IL1RAPL2: variants seen among roughly 807,000 people sequenced by gnomAD.
The protein encoded by IL1RAPL2 is interleukin 1 receptor accessory protein like 2, also known as X-linked interleukin-1 receptor accessory protein-like 2.
Under a neutral mutation model 44.1 loss-of-function variants are expected in IL1RAPL2, and 3 were observed. The ratio of observed to expected loss-of-function variants is 0.07; its 90% CI spans 0.03 to 0.18. IL1RAPL2 has a LOEUF of 0.18. Among genes scored for constraint, IL1RAPL2 ranks in the 10% least tolerant of loss-of-function variants. The probability of loss-of-function intolerance (pLI) is 1.00; values close to 1 mark genes in which losing one functional copy is unlikely to be tolerated. For missense variants in IL1RAPL2, 391 were observed against 496.4 expected (o/e 0.79, Z 2.02); for synonymous variants, 181 against 178.8 (o/e 1.01, Z -0.10).
intron 2 of IL1RAPL2, among the ~76,000 whole-genome samples, chrX:104,672,385 T>A (rs1184487674): frequency 9.0e-6 from 1 of 111,011 alleles, no homozygotes; most frequent in Non-Finnish European, 1.9e-5. Context: ...CTGAGAATGA[T>A]GTTTTCCAAT....
At chrX:105,313,134 C>T (rs188951016) in intron 5 of IL1RAPL2, among the ~76,000 whole-genome samples, 4 of 111,566 alleles carry the variant, frequency 3.6e-5, no homozygotes, top group East Asian at 5.6e-4. Flanking sequence ...TTCCCCATTC[C>T]GACCCAGTAC....
At chrX:105,160,229 G>A (rs919783773) in intron 2 of IL1RAPL2, among the ~76,000 whole-genome samples, 2 of 110,613 alleles carry the variant, frequency 1.8e-5, no homozygotes, top group Non-Finnish European at 3.8e-5. Context: ...TTACGGGTGT[G>A]TGATTAAATC....
chrX:105,456,567 A>G (rs764517334), intron 5 of IL1RAPL2, among the ~76,000 whole-genome samples: 3 of 111,353 alleles, frequency 2.7e-5, no homozygotes, highest in Admixed American at 9.6e-5. Context: ...TTCTGCATCT[A>G]TTGAGGTAAT....
intron 2 of IL1RAPL2, among the ~76,000 whole-genome samples, chrX:104,808,860 C>T (rs1932944923): frequency 9.0e-6 from 1 of 111,587 alleles, no homozygotes; most frequent in African/African-American, 3.3e-5. Flanking sequence ...AAATGTAGGA[C>T]TGGGACTTGG....
chrX:105,082,545 G>T (rs898482520), intron 2 of IL1RAPL2, among the ~76,000 whole-genome samples: 4 of 110,924 alleles, frequency 3.6e-5, no homozygotes, highest in African/African-American at 1.3e-4. Flanking sequence ...CCTCATATGG[G>T]AGAGCTCTGG....
chrX:104,677,968 G>A (rs895788035), intron 2 of IL1RAPL2, among the ~76,000 whole-genome samples: 8 of 112,179 alleles, frequency 7.1e-5, no homozygotes, highest in Non-Finnish European at 1.1e-4. Flanking sequence ...CGCATGGTGC[G>A]CGCACCCACT....
At chrX:105,731,678 G>A (rs921909589) in intron 7 of IL1RAPL2, among the ~76,000 whole-genome samples, 2 of 111,169 alleles carry the variant, frequency 1.8e-5, no homozygotes, top group African/African-American at 3.3e-5. Flanking sequence ...GATGGAACTC[G>A]AAGTCATTAT....
At chrX:104,974,266 A>G (rs5916848) in intron 2 of IL1RAPL2, among the ~76,000 whole-genome samples, 46,545 of 110,983 alleles carry the variant, frequency 0.42, 7,095 homozygotes, top group East Asian at 0.46. Flanking sequence ...GTCACCATTT[A>G]AAGCCATTTT....
At chrX:104,606,722 C>G (rs1400112140) in intron 1 of IL1RAPL2, among the ~76,000 whole-genome samples, 2 of 110,841 alleles carry the variant, frequency 1.8e-5, no homozygotes, top group Non-Finnish European at 3.8e-5. Flanking sequence ...AATAAAATAC[C>G]TAGGAATCCA....
At chrX:105,009,770 AG>A (rs1301814402) in intron 2 of IL1RAPL2, among the ~76,000 whole-genome samples, 7 of 110,570 alleles carry the variant, frequency 6.3e-5, no homozygotes, top group African/African-American at 9.8e-5. Context: ...TTTAAAAAAA[AG>A]AAAATAGTGT....
At chrX:105,555,621 G>T (rs764853051) in intron 6 of IL1RAPL2, among the ~76,000 whole-genome samples, 2 of 111,932 alleles carry the variant, frequency 1.8e-5, no homozygotes, top group East Asian at 5.7e-4. Flanking sequence ...TGATCAAAGA[G>T]AATTCCAGAC....
chrX:104,829,661 A>G (rs113053559), intron 2 of IL1RAPL2, among the ~76,000 whole-genome samples: 443 of 112,558 alleles, frequency 3.9e-3, no homozygotes, highest in African/African-American at 0.013. Flanking sequence ...CTTCCATTCA[A>G]TGGATTCATA....
At chrX:105,635,836 A>T (rs1183756205) in intron 6 of IL1RAPL2, among the ~76,000 whole-genome samples, 2 of 111,348 alleles carry the variant, frequency 1.8e-5, no homozygotes, top group African/African-American at 3.3e-5. Context: ...CTTGAGAGAG[A>T]GGTTTTTGGC....
intron 5 of IL1RAPL2, among the ~76,000 whole-genome samples, chrX:105,275,613 G>A (rs2034479866): frequency 8.9e-6 from 1 of 111,932 alleles, no homozygotes; most frequent in African/African-American, 3.2e-5. Context: ...TGATTGGTAA[G>A]TGTTTTGATT....
chrX:105,343,880 C>CTTTTTTTTTTTTTTTT (rs755496552), intron 5 of IL1RAPL2, among the ~76,000 whole-genome samples: 1 of 100,468 alleles, frequency 1.0e-5, no homozygotes, highest in Non-Finnish European at 2.0e-5. Flanking sequence ...TCAAAGTTTT[C>CTTTTTTTTTTTTTTTT]TTTTTTTTTT....
intron 2 of IL1RAPL2, among the ~76,000 whole-genome samples, chrX:104,895,072 G>A (rs1923597330): frequency 8.9e-6 from 1 of 112,381 alleles, no homozygotes. Context: ...GTTTTCCTGG[G>A]TATCAGCAGC....
chrX:105,408,774 A>C (rs1369588939), intron 5 of IL1RAPL2, among the ~76,000 whole-genome samples: 1 of 111,153 alleles, frequency 9.0e-6, no homozygotes, highest in African/African-American at 3.3e-5. Flanking sequence ...CTGTAGAAAT[A>C]ACCTAAAACT....
intron 2 of IL1RAPL2, among the ~76,000 whole-genome samples, chrX:104,806,821 A>G (rs1932925845): frequency 8.9e-6 from 1 of 111,875 alleles, no homozygotes; most frequent in Admixed American, 9.5e-5. Flanking sequence ...TAGTAAAATG[A>G]TATTACCTTC....
intron 5 of IL1RAPL2, among the ~76,000 whole-genome samples, chrX:105,462,891 C>G (rs781425705): frequency 9.0e-6 from 1 of 111,068 alleles, no homozygotes; most frequent in African/African-American, 3.3e-5. Flanking sequence ...CAAATCCCAA[C>G]AACAGTCTTC....
Sources: gnomAD v4.1 joint callset for allele counts (sites outside exome capture counted in the v4.1 genomes callset) on GRCh38, gnomAD v4.1.1 for gene constraint, MANE v1.5 for transcripts, NCBI Gene and HGNC (gene_info 2026-07-23, HGNC 2026-07-21) for gene names.